TCF3: variants seen among roughly 807,000 people sequenced by gnomAD.
TCF3 encodes transcription factor 3, also known as transcription factor E2-alpha.
In TCF3, 54 loss-of-function variants were observed where a neutral mutation model predicts 72.3. The ratio of observed to expected loss-of-function variants is 0.75; its 90% CI spans 0.60 to 0.94. TCF3 has a LOEUF of 0.94. Ranked by LOEUF, TCF3 falls within the 40% of genes least tolerant of loss-of-function variation. The pLI is 0.00. For missense variants in TCF3, 1,078 were observed against 934.4 expected, an observed-to-expected ratio of 1.15 and a Z score of -2.00; for synonymous variants, 525 against 412.6, an observed-to-expected ratio of 1.27 and a Z score of -3.30.
chr19:1,645,715 C>A (rs1487639395), intron 3 of TCF3, among the ~76,000 whole-genome samples: 2 of 152,184 alleles, frequency 1.3e-5, no homozygotes, highest in Non-Finnish European at 2.9e-5. Flanking sequence ...ACCCCCAGGA[C>A]CCCACGTCTC....
At chr19:1,624,064 C>T (rs1373200690) in intron 7 of TCF3, 64 bp from the exon 8 acceptor site, 6 of 1,529,090 alleles carry the variant, frequency 3.9e-6, no homozygotes, top group Non-Finnish European at 5.4e-6. Context: ...GCCCTACACC[C>T]TGGAGGAGAG....
chr19:1,647,963 C>A (rs1328285685), intron 2 of TCF3, among the ~76,000 whole-genome samples: 2 of 152,158 alleles, frequency 1.3e-5, no homozygotes, highest in Non-Finnish European at 2.9e-5. Flanking sequence ...CTTCCAACAG[C>A]CTCGGTCCTA....
At position 1,615,600 on chromosome 19, in the gene TCF3, C is replaced by T; in HGVS notation, c.1587-80G>A. The T allele has an allele frequency of 1.2e-6, 2 of 1,608,142 alleles. No individual in the cohort carries two copies. Among genetic ancestry groups the T allele is most frequent in the Non-Finnish European group, 8.5e-7 (1 of 1,179,678 alleles). Reference sequence around the variant, plus strand: ...AGCGTGGGGCCCGCCGACGGCCTCCCAGTGTGGGTGCGGTGTGCGTGTGGC... The same window carrying T: ...AGCGTGGGGCCCGCCGACGGCCTCCTAGTGTGGGTGCGGTGTGCGTGTGGC... On this transcript the variant is annotated intron_variant, in intron 17 of 18. Transcript: ENST00000262965. This position sits in a 1 kb window ranked among gnomAD's most constrained non-coding sequence, Gnocchi z 7.3.
At chr19:1,645,631 G>A (rs1216014500) in intron 3 of TCF3, among the ~76,000 whole-genome samples, 3 of 152,182 alleles carry the variant, frequency 2.0e-5, no homozygotes, top group Non-Finnish European at 4.4e-5. Flanking sequence ...TAGAGGTCCC[G>A]CTTTGGGGCA....
rs866728829 is a variant in TCF3, at chr19:1,627,836, G to A, written c.299-410C>T. 1.3e-3 allele frequency among the ~76,000 whole-genome samples: 68 copies of A among 51,404 alleles called. 1 individual carries two copies. The highest frequency in any genetic ancestry group is 6.4e-3 in the East Asian group (9 of 1,396). The allele number at this position is 51,404 out of a possible 152,430, so 33.7% of individuals were successfully genotyped here. A position where few individuals can be genotyped will look rare whatever the true frequency, so the allele number is the denominator to read the frequency against. ...GGTGAGGCGGGAAGGGGACAGCAGA[G>A]CTCACAGGGGGTGAGGCGGGAAGGG... On this transcript the variant is annotated intron_variant, in intron 5 of 18. Coordinates refer to ENST00000262965, the MANE Select transcript of TCF3 (RefSeq NM_003200.5).
chr19:1,645,837 C>T (rs1335743354), intron 3 of TCF3, among the ~76,000 whole-genome samples: 1 of 152,170 alleles, frequency 6.6e-6, no homozygotes, highest in Non-Finnish European at 1.5e-5. Flanking sequence ...CAGGAATTGC[C>T]CCTCAGTCCT....
chr19:1,616,696 CA>C (rs1360556680), intron 16 of TCF3: 3 of 152,260 alleles, frequency 2.0e-5, no homozygotes, highest in African/African-American at 4.8e-5. Context: ...CACTTGAGGC[CA>C]GGGGGTCATG....
intron 3 of TCF3, among the ~76,000 whole-genome samples, chr19:1,634,839 G>A (rs910187777): frequency 5.9e-5 from 9 of 152,220 alleles, no homozygotes; most frequent in Non-Finnish European, 1.0e-4. Context: ...CACTATGCCC[G>A]TTTGTCCATG....
intron 7 of TCF3, 33 bp downstream of exon 7, chr19:1,625,543 A>G: frequency 6.5e-7 from 1 of 1,533,238 alleles, no homozygotes; most frequent in Non-Finnish European, 8.7e-7. Flanking sequence ...TCCCTCCCAG[A>G]AGCCCCCGAT....
chr19:1,629,311 T>G (rs1339945307), intron 5 of TCF3, among the ~76,000 whole-genome samples: 4 of 150,782 alleles, frequency 2.7e-5, no homozygotes, highest in African/African-American at 1.0e-4. Context: ...GCACACCGCA[T>G]CAGGTTCACC....
intron 11 of TCF3, 41 bp downstream of exon 11, chr19:1,621,797 G>A (rs755212807): frequency 3.2e-5 from 49 of 1,531,886 alleles, no homozygotes; most frequent in Non-Finnish European, 4.3e-5. Context: ...CTGGAGCCCA[G>A]TGTCCCCTCG....
chr19:1,641,689 G>A (rs911131926), intron 3 of TCF3, among the ~76,000 whole-genome samples: 1 of 152,082 alleles, frequency 6.6e-6, no homozygotes, highest in African/African-American at 2.4e-5. Flanking sequence ...CTGGCCTCAT[G>A]TGATCCACAC....
intron 1 of TCF3, among the ~76,000 whole-genome samples, chr19:1,652,045 A>G (rs923256238): frequency 4.7e-5 from 7 of 148,016 alleles, no homozygotes; most frequent in Non-Finnish European, 7.5e-5. Context: ...GGCTGCTTAA[A>G]GTTTCCCGAA....
intron 3 of TCF3, among the ~76,000 whole-genome samples, chr19:1,642,665 C>A (rs1009533842): frequency 2.0e-5 from 3 of 152,166 alleles, no homozygotes; most frequent in African/African-American, 7.2e-5. Flanking sequence ...ACAGGCCGTG[C>A]TGTCACCACG....
At chr19:1,646,914 G>A (rs77920328) in intron 2 of TCF3, among the ~76,000 whole-genome samples, 5,678 of 152,330 alleles carry the variant, frequency 0.037, 366 homozygotes, top group African/African-American at 0.13. Flanking sequence ...TGTGTGCACT[G>A]GCCCCGCATG....
chr19:1,610,939 A>AG lies in TCF3; in HGVS notation c.*767_*768insC, dbSNP rs2060940577. 8.8e-5 allele frequency: 3 copies of AG among 34,120 alleles called. No homozygotes were observed. Among genetic ancestry groups the AG allele is most frequent in the Non-Finnish European group, 1.2e-4 (2 of 17,056 alleles). 2.1% of individuals were successfully genotyped at this position (34,120 alleles called of 1,614,324 possible). A position where few individuals can be genotyped will look rare whatever the true frequency, so the allele number is the denominator to read the frequency against. On this transcript the variant is annotated 3_prime_UTR_variant, in exon 19 of 19. Transcript: ENST00000262965. ...CAGTGGCTTCCGGGGGGGGGGGGGG[A>AG]CGGGGGGGCTCAGGTTTACACGGGG...
At chr19:1,633,689 G>C (rs1435617320) in intron 3 of TCF3, among the ~76,000 whole-genome samples, 1 of 152,186 alleles carries the variant, frequency 6.6e-6, no homozygotes, top group Non-Finnish European at 1.5e-5. Flanking sequence ...GTGGGGGGCT[G>C]GGATGCTGCC....
At chr19:1,631,671 G>A (rs2063732770) in intron 5 of TCF3, among the ~76,000 whole-genome samples, 1 of 152,170 alleles carries the variant, frequency 6.6e-6, no homozygotes, top group Admixed American at 6.5e-5. Context: ...CACTCTGGCC[G>A]CCCTCCCGAG....
chr19:1,620,421 C>T (rs1018223775), intron 13 of TCF3, among the ~76,000 whole-genome samples: 3 of 152,178 alleles, frequency 2.0e-5, no homozygotes, highest in Admixed American at 1.3e-4. Context: ...CCTCCCATGC[C>T]GGAGCACCGC....
Sources: gnomAD v4.1 joint callset for allele counts (sites outside exome capture counted in the v4.1 genomes callset) on GRCh38, gnomAD v4.1.1 for gene constraint, Gnocchi (gnomAD v3.1) non-coding constraint, MANE v1.5 for transcripts, NCBI Gene and HGNC (gene_info 2026-07-23, HGNC 2026-07-21) for gene names.